CNTNAP4: variants seen among roughly 807,000 people sequenced by gnomAD.
The protein encoded by CNTNAP4 is contactin associated protein family member 4.
In CNTNAP4, 98 loss-of-function variants were observed where a neutral mutation model predicts 148.4. The observed-to-expected ratio is 0.66, with a 90% CI of 0.56 to 0.78. CNTNAP4 has a LOEUF of 0.78. Among genes scored for constraint, CNTNAP4 ranks in the 30% least tolerant of loss-of-function variants. The probability of loss-of-function intolerance (pLI) is 0.00; values close to 1 mark genes in which losing one functional copy is unlikely to be tolerated. For synonymous variants in CNTNAP4, 730 were observed against 565.1 expected (o/e 1.29, Z -4.14); for missense variants, 1,935 against 1,565.6 (o/e 1.24, Z -3.98).
intron 15 of CNTNAP4, among the ~76,000 whole-genome samples, chr16:76,514,791 C>T (rs2083182652): frequency 2.0e-5 from 3 of 152,154 alleles, no homozygotes; most frequent in South Asian, 2.1e-4. Context: ...GAAACCAATA[C>T]ATAGGTTATT....
At chr16:76,378,174 G>A (rs2015618218) in intron 3 of CNTNAP4, among the ~76,000 whole-genome samples, 1 of 151,892 alleles carries the variant, frequency 6.6e-6, no homozygotes, top group South Asian at 2.1e-4. Flanking sequence ...ATTACCTATG[G>A]GATACAATGT....
At chr16:76,350,657 A>C (rs562809239) in intron 2 of CNTNAP4, among the ~76,000 whole-genome samples, 1 of 152,302 alleles carries the variant, frequency 6.6e-6, no homozygotes, top group African/African-American at 2.4e-5. Flanking sequence ...TAGCAATAAT[A>C]ATTTTTGTAA....
chr16:76,430,911 T>A (rs1012511749), intron 4 of CNTNAP4, among the ~76,000 whole-genome samples: 1 of 152,188 alleles, frequency 6.6e-6, no homozygotes, highest in African/African-American at 2.4e-5. Context: ...GAATCATACA[T>A]GTATTGAGCC....
chr16:76,525,218 C>T (rs1016572230), intron 17 of CNTNAP4, among the ~76,000 whole-genome samples: 5 of 151,484 alleles, frequency 3.3e-5, no homozygotes, highest in African/African-American at 1.2e-4. Flanking sequence ...TCCCTGTAGG[C>T]AGACTCAGTG....
chr16:76,524,715 G>A (rs72799048), intron 17 of CNTNAP4, among the ~76,000 whole-genome samples: 28,922 of 152,022 alleles, frequency 0.19, 3,437 homozygotes, highest in Middle Eastern at 0.31. Flanking sequence ...AATTGGTTAG[G>A]CCTTTGACCT....
chr16:76,282,524 G>T (rs957321648), intron 1 of CNTNAP4, among the ~76,000 whole-genome samples: 1 of 151,844 alleles, frequency 6.6e-6, no homozygotes, highest in Non-Finnish European at 1.5e-5. Flanking sequence ...ATCATATGAG[G>T]AAAATGTTTT....
At chr16:76,395,558 C>A (rs1441780731) in intron 3 of CNTNAP4, among the ~76,000 whole-genome samples, 1 of 151,828 alleles carries the variant, frequency 6.6e-6, no homozygotes, top group African/African-American at 2.4e-5. Context: ...GCCACCGCGC[C>A]CGGCCAAAGA....
chr16:76,387,392 CTGAT>C (rs2016603738), intron 3 of CNTNAP4, among the ~76,000 whole-genome samples: 1 of 152,168 alleles, frequency 6.6e-6, no homozygotes, highest in Non-Finnish European at 1.5e-5. Context: ...ATTCATAAAA[CTGAT>C]TGACTGATTT....
chr16:76,547,237 T>C (rs1331508074), intron 21 of CNTNAP4, among the ~76,000 whole-genome samples: 1 of 152,208 alleles, frequency 6.6e-6, no homozygotes, highest in African/African-American at 2.4e-5. Context: ...TGCCAATTCA[T>C]TAAGCTATTA....
At chr16:76,413,239 C>T (rs561770067) in intron 3 of CNTNAP4, among the ~76,000 whole-genome samples, 1 of 151,486 alleles carries the variant, frequency 6.6e-6, no homozygotes, top group East Asian at 1.9e-4. Context: ...CCATCCCCAC[C>T]TCCCTGCAAG....
intron 4 of CNTNAP4, among the ~76,000 whole-genome samples, chr16:76,429,363 A>G (rs2079533186): frequency 6.6e-6 from 1 of 152,186 alleles, no homozygotes; most frequent in Non-Finnish European, 1.5e-5. Flanking sequence ...ACTTATTCAG[A>G]ACATCCACCT....
chr16:76,395,492 C>A (rs549209377), intron 3 of CNTNAP4, among the ~76,000 whole-genome samples: 86 of 152,122 alleles, frequency 5.7e-4, no homozygotes, highest in Non-Finnish European at 1.0e-3. Context: ...TCTTGAACTC[C>A]TGACCTTGTG....
chr16:76,440,166 T>C (rs1295491640), intron 4 of CNTNAP4, among the ~76,000 whole-genome samples: 5 of 152,144 alleles, frequency 3.3e-5, no homozygotes, highest in Non-Finnish European at 7.3e-5. Flanking sequence ...GAAATAGCTA[T>C]ATATTTTTTT....
intron 1 of CNTNAP4, among the ~76,000 whole-genome samples, chr16:76,299,379 C>A (rs1000181764): frequency 1.2e-4 from 18 of 152,254 alleles, no homozygotes; most frequent in African/African-American, 4.3e-4. Context: ...ATGCAGCCGA[C>A]AGACACATGA....
intron 18 of CNTNAP4, among the ~76,000 whole-genome samples, chr16:76,537,153 C>G (rs2084246599): frequency 6.6e-6 from 1 of 152,132 alleles, no homozygotes; most frequent in African/African-American, 2.4e-5. Flanking sequence ...TCTTTGTTTT[C>G]TGGATATAAA....
intron 10 of CNTNAP4, among the ~76,000 whole-genome samples, chr16:76,470,482 AATAT>A (rs67354977): frequency 3.1e-5 from 3 of 96,972 alleles, no homozygotes; most frequent in African/African-American, 1.4e-4. Context: ...CTCTACTAAT[AATAT>A]ATATATATAT....
chr16:76,545,917 C>T (rs1010442480), intron 21 of CNTNAP4, among the ~76,000 whole-genome samples: 1 of 151,988 alleles, frequency 6.6e-6, no homozygotes, highest in Non-Finnish European at 1.5e-5. Flanking sequence ...CGCCCGTAGT[C>T]TCAGCTACTC....
chr16:76,493,354 G>C (rs1420977967), intron 13 of CNTNAP4, among the ~76,000 whole-genome samples: 1 of 152,124 alleles, frequency 6.6e-6, no homozygotes, highest in East Asian at 1.9e-4. Flanking sequence ...TGATCAATGG[G>C]AATGCTCAAG....
intron 3 of CNTNAP4, 100 bp from the exon 4 acceptor site, chr16:76,427,352 G>A: frequency 1.1e-6 from 1 of 947,004 alleles, no homozygotes; most frequent in Non-Finnish European, 1.6e-6. Context: ...ACCATTCATA[G>A]TAAAATGCAG....
Sources: gnomAD v4.1 joint callset for allele counts (sites outside exome capture counted in the v4.1 genomes callset) on GRCh38, gnomAD v4.1.1 for gene constraint, MANE v1.5 for transcripts, NCBI Gene and HGNC (gene_info 2026-07-23, HGNC 2026-07-21) for gene names.